The following PLCB4 variants were observed in gnomAD, a reference collection of about 807,000 sequenced individuals.
The protein encoded by PLCB4 is phospholipase C beta 4.
Under a neutral mutation model 178.8 loss-of-function variants are expected in PLCB4, and 77 were observed. That is an observed-to-expected ratio of 0.43 (90% CI 0.36 to 0.52). The LOEUF (loss-of-function observed/expected upper bound fraction) is 0.52. Among genes scored for constraint, PLCB4 ranks in the 20% least tolerant of loss-of-function variants. PLCB4 has a pLI of 0.00. For synonymous variants in PLCB4, 496 were observed against 490.8 expected, an observed-to-expected ratio of 1.01 and a Z score of -0.14; for missense variants, 1,024 against 1,453.4, an observed-to-expected ratio of 0.70 and a Z score of 4.80.
intron 2 of PLCB4, among the ~76,000 whole-genome samples, chr20:9,204,136 A>T (rs1050584525): frequency 6.6e-6 from 1 of 152,142 alleles, no homozygotes; most frequent in Non-Finnish European, 1.5e-5. Flanking sequence ...AAGAGAAGAA[A>T]AAAAAACAAA....
intron 21 of PLCB4, 114 bp from the exon 22 acceptor site, chr20:9,407,803 C>A: frequency 1.2e-6 from 1 of 851,268 alleles, no homozygotes; most frequent in Non-Finnish European, 1.8e-6. Context: ...AAGAAAAAGC[C>A]TTTACCTTTC....
intron 36 of PLCB4, among the ~76,000 whole-genome samples, chr20:9,471,522 G>A (rs978115416): frequency 3.3e-5 from 5 of 152,070 alleles, no homozygotes; most frequent in Non-Finnish European, 7.4e-5. Flanking sequence ...AATTTGAAAC[G>A]TTAGATGGAG....
chr20:9,372,544 A>G, intron 11 of PLCB4, 141 bp downstream of exon 11: 1 of 530,884 alleles, frequency 1.9e-6, no homozygotes, highest in East Asian at 3.2e-5. Flanking sequence ...TTAACCCCAT[A>G]CTTTATCAGT....
chr20:9,336,106 A>G (rs1046120474), intron 4 of PLCB4, among the ~76,000 whole-genome samples: 1 of 152,024 alleles, frequency 6.6e-6, no homozygotes, highest in Non-Finnish European at 1.5e-5. Context: ...GCCTTGATCC[A>G]TGTTTGCCAG....
At chr20:9,286,170 G>C (rs1478112532) in intron 3 of PLCB4, among the ~76,000 whole-genome samples, 4 of 151,972 alleles carry the variant, frequency 2.6e-5, no homozygotes, top group Admixed American at 2.6e-4. Flanking sequence ...TTTGAAATTA[G>C]CCTGGAGTTT....
intron 1 of PLCB4, among the ~76,000 whole-genome samples, chr20:9,090,195 T>C (rs1465255993): frequency 6.6e-6 from 1 of 151,416 alleles, no homozygotes; most frequent in East Asian, 2.0e-4. Flanking sequence ...CTGTGAGTGT[T>C]ATAGTGTTAT....
At chr20:9,332,354 A>G (rs1031614828) in intron 4 of PLCB4, among the ~76,000 whole-genome samples, 1 of 152,156 alleles carries the variant, frequency 6.6e-6, no homozygotes, top group African/African-American at 2.4e-5. Context: ...AATAGACATG[A>G]TGTGTCTTTA....
intron 1 of PLCB4, among the ~76,000 whole-genome samples, chr20:9,090,566 A>G (rs1235425799): frequency 2.0e-5 from 3 of 148,780 alleles, no homozygotes; most frequent in Admixed American, 6.7e-5. Context: ...AGAAGTGAGG[A>G]CTTGCAGAAT....
At chr20:9,200,975 A>G (rs1187552154) in intron 2 of PLCB4, among the ~76,000 whole-genome samples, 2 of 152,244 alleles carry the variant, frequency 1.3e-5, no homozygotes, top group Admixed American at 1.3e-4. Flanking sequence ...TAAGGAATGC[A>G]TAAAATGATC....
chr20:9,426,044 T>G (rs1212214977), intron 28 of PLCB4, among the ~76,000 whole-genome samples: 1 of 152,092 alleles, frequency 6.6e-6, no homozygotes, highest in Non-Finnish European at 1.5e-5. Flanking sequence ...AGTATTGATA[T>G]TCCCTCTTCA....
chr20:9,425,856 A>G (rs184144586), intron 28 of PLCB4, among the ~76,000 whole-genome samples: 294 of 152,338 alleles, frequency 1.9e-3, no homozygotes, highest in Non-Finnish European at 3.6e-3. Context: ...CCTGTAGATA[A>G]CAGAAGAAGA....
intron 3 of PLCB4, among the ~76,000 whole-genome samples, chr20:9,222,857 C>A (rs1430843597): frequency 6.6e-6 from 1 of 152,186 alleles, no homozygotes; most frequent in East Asian, 1.9e-4. Flanking sequence ...TTAGTCAGTG[C>A]TTCTGAATCT....
intron 1 of PLCB4, among the ~76,000 whole-genome samples, chr20:9,073,590 CAT>C (rs1314714226): frequency 6.6e-6 from 1 of 152,014 alleles, no homozygotes; most frequent in African/African-American, 2.4e-5. Context: ...TATATTTAAA[CAT>C]ATTATGCTGG....
intron 2 of PLCB4, among the ~76,000 whole-genome samples, chr20:9,152,275 A>G (rs769923949): frequency 4.6e-5 from 7 of 152,224 alleles, no homozygotes; most frequent in Non-Finnish European, 1.0e-4. Context: ...TTAATCCCCA[A>G]GACCATGGAG....
At chr20:9,290,859 G>A (rs1403876232) in intron 3 of PLCB4, among the ~76,000 whole-genome samples, 2 of 151,984 alleles carry the variant, frequency 1.3e-5, no homozygotes, top group African/African-American at 2.4e-5. Context: ...AACTAAGAAG[G>A]CATCACAGAG....
chr20:9,262,306 G>T (rs760126832), intron 3 of PLCB4, among the ~76,000 whole-genome samples: 9 of 151,988 alleles, frequency 5.9e-5, no homozygotes, highest in Middle Eastern at 3.4e-3. Context: ...CAGGTGAGTA[G>T]GTGAGTGAGC....
rs185076284 is a variant in PLCB4, at chr20:9,235,940, T to G, written c.-16+18488T>G. Among the ~76,000 whole-genome samples, 146 of 152,348 alleles carry G rather than the reference T, an allele frequency of 9.6e-4. 1 individual carries two copies. Among genetic ancestry groups the G allele is most frequent in the African/African-American group, 3.2e-3 (134 of 41,586 alleles). On this transcript the variant is annotated intron_variant, in intron 3 of 39. Transcript: ENST00000378473. ...CAGATATCTTTGTTGCCTAGATGCC[T>G]TGGCTTGTCTGTGATTTGTTTGTTT...
At chr20:9,285,288 G>A (rs1217008415) in intron 3 of PLCB4, among the ~76,000 whole-genome samples, 2 of 151,896 alleles carry the variant, frequency 1.3e-5, no homozygotes, top group Non-Finnish European at 2.9e-5. Context: ...TTATTTTCAA[G>A]ATAATTTGAT....
intron 30 of PLCB4, among the ~76,000 whole-genome samples, chr20:9,440,224 C>T (rs1436471684): frequency 2.1e-4 from 32 of 152,142 alleles, no homozygotes; most frequent in Admixed American, 1.7e-3. Flanking sequence ...TCTAAGCTAC[C>T]GAACATCATA....
Sources: gnomAD v4.1 joint callset for allele counts (sites outside exome capture counted in the v4.1 genomes callset) on GRCh38, gnomAD v4.1.1 for gene constraint, MANE v1.5 for transcripts, NCBI Gene and HGNC (gene_info 2026-07-23, HGNC 2026-07-21) for gene names.